MAGI2: variants seen among roughly 807,000 people sequenced by gnomAD.
The protein encoded by MAGI2 is membrane associated guanylate kinase, WW and PDZ domain containing 2.
Under a neutral mutation model 133.3 loss-of-function variants are expected in MAGI2, and 35 were observed. That is an observed-to-expected ratio of 0.26 (90% CI 0.20 to 0.35). The LOEUF (loss-of-function observed/expected upper bound fraction) is 0.35, where lower values mean the gene tolerates loss of function less well. Among genes scored for constraint, MAGI2 ranks in the 10% least tolerant of loss-of-function variants. The pLI is 1.00. For missense variants in MAGI2, 1,636 were observed against 1,863.4 expected (o/e 0.88, Z 2.25); for synonymous variants, 729 against 710.6 (o/e 1.03, Z -0.41).
At chr7:78,615,006 T>G (rs1414379611) in intron 3 of MAGI2, 1 of 152,202 alleles carries the variant, frequency 6.6e-6, no homozygotes, top group South Asian at 2.1e-4. Flanking sequence ...TGATAAGCAC[T>G]TCCACTGTAA....
intron 2 of MAGI2, among the ~76,000 whole-genome samples, chr7:78,747,934 C>G (rs1585277352): frequency 1.3e-5 from 2 of 152,142 alleles, no homozygotes; most frequent in Admixed American, 6.6e-5. Flanking sequence ...CATATGGCTA[C>G]TCCACTGACA....
At chr7:78,368,383 G>A (rs1162474295) in intron 7 of MAGI2, among the ~76,000 whole-genome samples, 1 of 152,112 alleles carries the variant, frequency 6.6e-6, no homozygotes, top group Admixed American at 6.6e-5. Context: ...TCAACCTCTG[G>A]ATTTCTTGGG....
intron 1 of MAGI2, among the ~76,000 whole-genome samples, chr7:79,135,997 A>G (rs931689467): frequency 1.1e-4 from 5 of 47,224 alleles, no homozygotes; most frequent in Non-Finnish European, 1.6e-4. Context: ...GAAAGAAAGA[A>G]AGAAAGAGAA....
At chr7:78,783,012 C>CTTTTTTTTTTTTTTTTTTTTTTTT (rs11432048) in intron 2 of MAGI2, among the ~76,000 whole-genome samples, 4 of 96,194 alleles carry the variant, frequency 4.2e-5, no homozygotes, top group Non-Finnish European at 5.9e-5. Flanking sequence ...TGATTCTTAC[C>CTTTTTTTTTTTTTTTTTTTTTTTT]TTTTTTTTTT....
chr7:78,494,957 C>T (rs118018636), intron 5 of MAGI2, among the ~76,000 whole-genome samples: 1,608 of 152,204 alleles, frequency 0.011, 25 homozygotes, highest in Non-Finnish European at 0.011. Flanking sequence ...CATTTGATTG[C>T]ATAAAACAAT....
At chr7:78,728,588 C>T (rs1422117740) in intron 2 of MAGI2, among the ~76,000 whole-genome samples, 1 of 62,570 alleles carries the variant, frequency 1.6e-5, no homozygotes, top group Non-Finnish European at 2.6e-5. Context: ...TTTTTTGAGA[C>T]GGAGTCTCGC....
intron 1 of MAGI2, among the ~76,000 whole-genome samples, chr7:79,369,870 T>A (rs1346052513): frequency 6.6e-6 from 1 of 152,170 alleles, no homozygotes; most frequent in Non-Finnish European, 1.5e-5. Context: ...AAATTTGAGG[T>A]TTTACTCCAT....
chr7:79,445,894 T>C (rs192015609), intron 1 of MAGI2, among the ~76,000 whole-genome samples: 6 of 152,284 alleles, frequency 3.9e-5, no homozygotes, highest in East Asian at 3.9e-4. Context: ...CTATTCACAA[T>C]AGCAAGGACT....
intron 6 of MAGI2, among the ~76,000 whole-genome samples, chr7:78,462,087 ACTGATGGTGTACT>A (rs955266752): frequency 1.5e-4 from 23 of 152,130 alleles, no homozygotes; most frequent in Non-Finnish European, 2.9e-5. Flanking sequence ...ACTCCATGGC[ACTGATGGTGTACT>A]CTTATTTAAA....
chr7:78,290,056 AAATAACCAGCTAGCATCAT>A (rs1257110274), intron 9 of MAGI2, among the ~76,000 whole-genome samples: 2 of 152,230 alleles, frequency 1.3e-5, no homozygotes, highest in African/African-American at 4.8e-5. Flanking sequence ...CAAACGGGCA[AAATAACCAGCTAGCATCAT>A]AATGACAGGA....
chr7:78,130,503 C>G (rs184267432), intron 18 of MAGI2, among the ~76,000 whole-genome samples: 1 of 152,224 alleles, frequency 6.6e-6, no homozygotes, highest in East Asian at 1.9e-4. Flanking sequence ...AAAAAAATGG[C>G]AAAGAGTTTT....
intron 1 of MAGI2, among the ~76,000 whole-genome samples, chr7:79,064,000 G>C (rs2191720): frequency 0.054 from 8,267 of 152,094 alleles, 583 homozygotes; most frequent in African/African-American, 0.16. Flanking sequence ...GCTCAAGTAA[G>C]GATATTGAAG....
chr7:79,200,202 T>A (rs905824232), intron 1 of MAGI2, among the ~76,000 whole-genome samples: 4 of 152,020 alleles, frequency 2.6e-5, no homozygotes, highest in African/African-American at 9.7e-5. Context: ...AGTTCTCATA[T>A]TCTATGATTC....
chr7:78,236,624 G>A (rs777874318), intron 10 of MAGI2, among the ~76,000 whole-genome samples: 3 of 152,124 alleles, frequency 2.0e-5, no homozygotes, highest in Non-Finnish European at 4.4e-5. Context: ...ACTGATAACT[G>A]ATGAAGGTAA....
chr7:78,028,236 G>A (rs897471492), intron 21 of MAGI2, among the ~76,000 whole-genome samples: 2 of 152,166 alleles, frequency 1.3e-5, no homozygotes, highest in African/African-American at 4.8e-5. Context: ...CATCGTTAAT[G>A]GCCTTCAAAC....
At chr7:78,707,491 A>G (rs1248000670) in intron 2 of MAGI2, among the ~76,000 whole-genome samples, 2 of 152,128 alleles carry the variant, frequency 1.3e-5, no homozygotes, top group African/African-American at 2.4e-5. Flanking sequence ...CTTAACACTC[A>G]TTCTAAAAGT....
chr7:78,567,572 C>G (rs1400512206), intron 3 of MAGI2, among the ~76,000 whole-genome samples: 1 of 152,134 alleles, frequency 6.6e-6, no homozygotes, highest in Non-Finnish European at 1.5e-5. Flanking sequence ...AATTAGCTTG[C>G]ACCTATATGT....
At chr7:78,671,069 A>C (rs1585039159) in intron 2 of MAGI2, among the ~76,000 whole-genome samples, 3 of 152,252 alleles carry the variant, frequency 2.0e-5, no homozygotes, top group Admixed American at 2.0e-4. Context: ...AAAACACCAA[A>C]TGACAAATCA....
chr7:78,249,624 G>T (rs1376709169), intron 10 of MAGI2, among the ~76,000 whole-genome samples: 1 of 152,118 alleles, frequency 6.6e-6, no homozygotes, highest in African/African-American at 2.4e-5. Context: ...AATACTGCAC[G>T]ATCTCACTTA....
Sources: gnomAD v4.1 joint callset for allele counts (sites outside exome capture counted in the v4.1 genomes callset) on GRCh38, gnomAD v4.1.1 for gene constraint, MANE v1.5 for transcripts, NCBI Gene and HGNC (gene_info 2026-07-23, HGNC 2026-07-21) for gene names.